KCNQ1: variants seen among roughly 807,000 people sequenced by gnomAD.
KCNQ1 encodes the protein potassium voltage-gated channel subfamily Q member 1, also known as potassium voltage-gated channel subfamily KQT member 1.
KCNQ1 carries 49 observed loss-of-function variants against 72.4 expected under a neutral mutation model. The ratio of observed to expected loss-of-function variants is 0.68; its 90% confidence interval spans 0.54 to 0.86. KCNQ1 has a LOEUF of 0.86. Among genes scored for constraint, KCNQ1 ranks in the 40% least tolerant of loss-of-function variants. The pLI is 0.00. For synonymous variants in KCNQ1, 450 were observed against 412.6 expected (o/e 1.09, Z -1.10); for missense variants, 790 against 945.1 (o/e 0.84, Z 2.15).
chr11:2,584,222 A>G (rs1347637547), intron 7 of KCNQ1, among the ~76,000 whole-genome samples: 1 of 151,870 alleles, frequency 6.6e-6, no homozygotes, highest in Non-Finnish European at 1.5e-5. Context: ...ATGTTTGCAT[A>G]TGTGTATTTA....
intron 11 of KCNQ1, chr11:2,694,069 G>T: frequency 2.5e-6 from 1 of 398,692 alleles, no homozygotes; most frequent in Non-Finnish European, 4.4e-6. Context: ...CAGCTGACAC[G>T]TAGTTCCAAC....
At chr11:2,717,641 A>G (rs1851115692) in intron 11 of KCNQ1, among the ~76,000 whole-genome samples, 1 of 152,216 alleles carries the variant, frequency 6.6e-6, no homozygotes, top group Non-Finnish European at 1.5e-5. Flanking sequence ...TATTCAGGAA[A>G]GTTCCCCAGG....
intron 10 of KCNQ1, among the ~76,000 whole-genome samples, chr11:2,589,937 G>T (rs932907753): frequency 1.3e-5 from 2 of 152,176 alleles, no homozygotes; most frequent in Non-Finnish European, 2.9e-5. Flanking sequence ...AGGGGCTGGA[G>T]ACCTCCTGCC....
In KCNQ1 at chr11:2,676,772, C is replaced by A. The variant is rs1457423566; in HGVS notation, c.1514+14691C>A. On this transcript the variant is annotated intron_variant, in intron 11 of 15. Coordinates refer to ENST00000155840, the MANE Select transcript of KCNQ1 (RefSeq NM_000218.3). This position sits in a 1 kb window ranked among gnomAD's most constrained non-coding sequence, Gnocchi z 4.2. ...TCTGCTGTATGAAGCAACCCTAGGA[C>A]ATTTGAAGAGAATGGAGTGATGGCC... is the stretch of plus-strand genomic sequence containing the variant. 2.5e-6 allele frequency: 1 copy of A among 398,582 alleles called. No homozygotes were observed. The allele number at this position is 398,582 out of a possible 1,614,324, so 24.7% of individuals were successfully genotyped here. A position where few individuals can be genotyped will look rare whatever the true frequency, so the allele number is the denominator to read the frequency against.
At chr11:2,632,988 C>T (rs1485903543) in intron 10 of KCNQ1, 1 of 398,340 alleles carries the variant, frequency 2.5e-6, no homozygotes, top group East Asian at 3.6e-5. Flanking sequence ...TTTGACAAAA[C>T]ACCACAGTAT....
At chr11:2,542,112 T>G (rs1398951890) in intron 2 of KCNQ1, among the ~76,000 whole-genome samples, 1 of 152,236 alleles carries the variant, frequency 6.6e-6, no homozygotes, top group Non-Finnish European at 1.5e-5. Context: ...CTCCTGAGAC[T>G]TCCCCGTGGG....
At chr11:2,705,834 G>A (rs1850902351) in intron 11 of KCNQ1, among the ~76,000 whole-genome samples, 1 of 152,204 alleles carries the variant, frequency 6.6e-6, no homozygotes, top group Non-Finnish European at 1.5e-5. Flanking sequence ...CCCTGGATCG[G>A]TATTTGTAGT....
chr11:2,457,767 T>C lies in KCNQ1; in HGVS notation c.386+12283T>C, dbSNP rs528205817. Among the ~76,000 whole-genome samples the C allele has an allele frequency of 6.6e-6, 1 of 150,852 alleles. No homozygotes were observed. The highest frequency in any genetic ancestry group is 6.6e-5 in the Admixed American group (1 of 15,126). On this transcript the variant is annotated intron_variant, in intron 1 of 15. Transcript: ENST00000155840. The surrounding 1 kb of genome is among the most constrained non-coding windows in gnomAD (Gnocchi z 5.0). ...GTGACAAACCTGCACTTGTACCTCC[T>C]GAACCTATTAAAAAAGTTGAATAAA...
chr11:2,660,515 G>A (rs1564848503), intron 10 of KCNQ1: 2 of 398,484 alleles, frequency 5.0e-6, no homozygotes, highest in South Asian at 1.3e-4. Flanking sequence ...AGGAGTTAAT[G>A]TCTGTAATGT....
Position 2,583,544 on chromosome 11 carries a change from C to T in KCNQ1, c.1031C>T (p.Ala344Val), listed in dbSNP as rs199472763. 5.6e-6 allele frequency: 9 copies of T among 1,607,638 alleles called. No individual in the cohort carries two copies. Among genetic ancestry groups the T allele is most frequent in the African/African-American group, 1.3e-5 (1 of 74,796 alleles). Reference sequence around the variant, plus strand: ...GCCATCTCCTTCTTTGCGCTCCCAGCGGTAGGTGCCCCGTGGGTGCGTTTT... The same window carrying T: ...GCCATCTCCTTCTTTGCGCTCCCAGTGGTAGGTGCCCCGTGGGTGCGTTTT... ...VFAISFFALP[A>V]GILGSGFALK... Residue 344 changes from alanine (A) to valine (V), a missense_variant and splice_region_variant, in exon 7 of 16, where the codon GCG becomes GTG. Ala to Val is a moderately conservative substitution (Grantham distance 64). This residue lies in a region of KCNQ1 where 133 missense variants were observed against 219.5 expected (regional missense o/e 0.61). Coordinates refer to ENST00000155840, the MANE Select transcript of KCNQ1 (RefSeq NM_000218.3).
At chr11:2,631,428 T>G (rs1474271932) in intron 10 of KCNQ1, 10 of 396,838 alleles carry the variant, frequency 2.5e-5, no homozygotes, top group South Asian at 1.3e-4. Context: ...AAATGTTTGT[T>G]TTTTTTTTAG....
intron 11 of KCNQ1, among the ~76,000 whole-genome samples, chr11:2,761,385 C>T (rs1350967107): frequency 4.6e-5 from 7 of 152,254 alleles, no homozygotes; most frequent in Non-Finnish European, 7.4e-5. Context: ...GATGTCCAGC[C>T]GCTTGTGTGT....
At chr11:2,607,169 C>T (rs1848894813) in intron 10 of KCNQ1, among the ~76,000 whole-genome samples, 1 of 152,048 alleles carries the variant, frequency 6.6e-6, no homozygotes, top group African/African-American at 2.4e-5. Context: ...TCCCAAAGTG[C>T]TGGGATTACA....
At position 2,464,680 on chromosome 11, in the gene KCNQ1, A is replaced by G. The variant is rs945570691; in HGVS notation, c.386+19196A>G. On this transcript the variant is annotated intron_variant, in intron 1 of 15. Transcript: ENST00000155840. This position sits in a 1 kb window ranked among gnomAD's most constrained non-coding sequence, Gnocchi z 5.0. ...TGTGTGGCAGATTCCAGCTTCTCTC[A>G]GGGGCCAGGATTACATGGTCCGTGT... 6.6e-6 allele frequency among the ~76,000 whole-genome samples: 1 copy of G among 152,100 alleles called. No homozygotes were observed. Among genetic ancestry groups the G allele is most frequent in the Non-Finnish European group, 1.5e-5 (1 of 68,000 alleles).
chr11:2,658,448 T>G lies in KCNQ1; in HGVS notation c.1394-3513T>G. On this transcript the variant is annotated intron_variant, in intron 10 of 15. Transcript: ENST00000155840. The surrounding 1 kb of genome is among the most constrained non-coding windows in gnomAD (Gnocchi z 4.9). Reference sequence around the variant, plus strand: ...CTGTGGCCACTGGTGGGTTCATGTGTCCTTTTGATGTGCCCCCCGCCATCC... The same window carrying G: ...CTGTGGCCACTGGTGGGTTCATGTGGCCTTTTGATGTGCCCCCCGCCATCC... The G allele has an allele frequency of 2.5e-6, 1 of 398,614 alleles. No homozygotes were observed. Among genetic ancestry groups the G allele is most frequent in the Non-Finnish European group, 4.4e-6 (1 of 226,054 alleles). The allele number at this position is 398,614 out of a possible 1,614,324, so 24.7% of individuals were successfully genotyped here. A position where few individuals can be genotyped will look rare whatever the true frequency, so the allele number is the denominator to read the frequency against.
intron 10 of KCNQ1, chr11:2,649,022 CTG>C: frequency 4.7e-6 from 1 of 212,464 alleles, no homozygotes; most frequent in Non-Finnish European, 7.5e-6. Context: ...TATTTTTTGT[CTG>C]TCTACTCCTG....
chr11:2,646,426 G>A (rs369669203), intron 10 of KCNQ1: 6 of 398,362 alleles, frequency 1.5e-5, no homozygotes, highest in South Asian at 2.5e-4. Flanking sequence ...CACCTCCTTG[G>A]TTAAGCTTTG....
intron 6 of KCNQ1, among the ~76,000 whole-genome samples, chr11:2,581,187 TTC>T (rs1848493476): frequency 6.6e-6 from 1 of 152,228 alleles, no homozygotes; most frequent in African/African-American, 2.4e-5. Flanking sequence ...GCCCAGGCCC[TTC>T]TAGGCCCGTT....
Position 2,690,602 on chromosome 11 carries a change from C to T in KCNQ1, c.1514+28521C>T. ...ACCCACCTCCTGGCAGGGAGTGGGG[C>T]ACACATATGTGCATGTTCATATATG... On this transcript the variant is annotated intron_variant, in intron 11 of 15. Transcript: ENST00000155840. The surrounding 1 kb of genome is among the most constrained non-coding windows in gnomAD (Gnocchi z 5.1). 2.5e-6 allele frequency: 1 copy of T among 398,646 alleles called. No homozygotes were observed. Among genetic ancestry groups the T allele is most frequent in the Non-Finnish European group, 4.4e-6 (1 of 226,092 alleles). The allele number at this position is 398,646 out of a possible 1,614,324, so 24.7% of individuals were successfully genotyped here.
Sources: allele counts gnomAD v4.1 joint callset (sites outside exome capture counted in the v4.1 genomes callset), GRCh38; gene constraint gnomAD v4.1.1; regional missense constraint gnomAD v4.1.1; non-coding constraint Gnocchi (gnomAD v3.1); transcripts MANE v1.5; gene names NCBI Gene and HGNC (gene_info 2026-07-23, HGNC 2026-07-21).